Variants in FRMD4A observed in about 807,000 individuals in gnomAD.
The protein encoded by FRMD4A is FERM domain-containing protein 4A.
FRMD4A carries 29 observed loss-of-function variants against 129.1 expected under a neutral mutation model. The ratio of observed to expected loss-of-function variants is 0.22; its 90% confidence interval spans 0.17 to 0.31. The LOEUF is 0.31. Ranked by LOEUF, FRMD4A falls within the 10% of genes least tolerant of loss-of-function variation. The pLI is 1.00. For synonymous variants in FRMD4A, 634 were observed against 571.6 expected (o/e 1.11, Z -1.56); for missense variants, 1,272 against 1,375.8 (o/e 0.92, Z 1.19).
chr10:13,855,294 T>C (rs2094197673), intron 3 of FRMD4A, among the ~76,000 whole-genome samples: 1 of 152,176 alleles, frequency 6.6e-6, no homozygotes, highest in East Asian at 1.9e-4. Context: ...TCGGTTTGGA[T>C]GCCGTCAGCT....
chr10:14,129,017 C>G (rs757215127), intron 2 of FRMD4A, among the ~76,000 whole-genome samples: 62 of 152,076 alleles, frequency 4.1e-4, no homozygotes, highest in Non-Finnish European at 8.7e-4. Context: ...AATAAGCTTC[C>G]CTTGCAAGCT....
intron 2 of FRMD4A, among the ~76,000 whole-genome samples, chr10:14,105,778 C>A (rs1203884359): frequency 6.6e-6 from 1 of 152,112 alleles, no homozygotes; most frequent in African/African-American, 2.4e-5. Flanking sequence ...TCTTGCAAAT[C>A]TTTTTGAACA....
At chr10:13,956,310 A>G (rs1387504684) in intron 2 of FRMD4A, among the ~76,000 whole-genome samples, 2 of 152,020 alleles carry the variant, frequency 1.3e-5, no homozygotes, top group African/African-American at 4.8e-5. Context: ...GAGCCACCAC[A>G]CCCGGCTAAT....
At chr10:13,778,625 G>GTA (rs1370454847) in intron 6 of FRMD4A, among the ~76,000 whole-genome samples, 1 of 141,832 alleles carries the variant, frequency 7.1e-6, no homozygotes, top group Non-Finnish European at 1.6e-5. Flanking sequence ...GTGTGTGTTT[G>GTA]TGTGTGTGTT....
chr10:13,668,691 G>C (rs1253228189), intron 17 of FRMD4A, among the ~76,000 whole-genome samples: 1 of 152,158 alleles, frequency 6.6e-6, no homozygotes, highest in East Asian at 1.9e-4. Context: ...GTGGGACTCT[G>C]GGAAGACCAA....
intron 2 of FRMD4A, among the ~76,000 whole-genome samples, chr10:14,065,202 G>A (rs11812453): frequency 0.043 from 6,558 of 151,996 alleles, 280 homozygotes; most frequent in African/African-American, 0.11. Context: ...TTTTTTGAGA[G>A]ATGGAGGATC....
chr10:13,985,688 A>G (rs1216924238), intron 2 of FRMD4A, among the ~76,000 whole-genome samples: 1 of 152,228 alleles, frequency 6.6e-6, no homozygotes, highest in African/African-American at 2.4e-5. Context: ...GTCCAGGCTG[A>G]GGGCATAAGC....
intron 2 of FRMD4A, among the ~76,000 whole-genome samples, chr10:13,873,773 C>A (rs2094463006): frequency 6.6e-6 from 1 of 151,828 alleles, no homozygotes; most frequent in South Asian, 2.1e-4. Context: ...TCTCCAACTC[C>A]TGACCTCTGG....
chr10:13,705,971 G>C, intron 13 of FRMD4A, among the ~76,000 whole-genome samples: 1 of 152,170 alleles, frequency 6.6e-6, no homozygotes, highest in East Asian at 1.9e-4. Context: ...TGCAGGAACA[G>C]GGGCTACTGC....
chr10:13,814,611 A>AAG (rs2093507743), intron 3 of FRMD4A, among the ~76,000 whole-genome samples: 2 of 146,676 alleles, frequency 1.4e-5, no homozygotes, highest in East Asian at 3.9e-4. Flanking sequence ...AAAAAAAGAA[A>AAG]GAAAGGGAAA....
intron 2 of FRMD4A, among the ~76,000 whole-genome samples, chr10:14,274,724 C>A (rs1845280508): frequency 6.6e-6 from 1 of 152,178 alleles, no homozygotes. Flanking sequence ...GAAACATGAT[C>A]ATTAATGTAT....
intron 6 of FRMD4A, among the ~76,000 whole-genome samples, chr10:13,776,427 A>G (rs1200817059): frequency 6.6e-6 from 1 of 152,180 alleles, no homozygotes; most frequent in African/African-American, 2.4e-5. Context: ...ATCCATTTTT[A>G]ACAGGAATTC....
chr10:13,684,606 G>A, intron 15 of FRMD4A: 5 of 985,384 alleles, frequency 5.1e-6, no homozygotes, highest in Non-Finnish European at 6.0e-6. Flanking sequence ...TGCTCCAATT[G>A]TTCAGAAGAC....
chr10:14,089,778 G>T (rs1564280691), intron 2 of FRMD4A, among the ~76,000 whole-genome samples: 1 of 152,218 alleles, frequency 6.6e-6, no homozygotes, highest in South Asian at 2.1e-4. Flanking sequence ...AGATGGGACT[G>T]GTCCAGCTTT....
intron 2 of FRMD4A, among the ~76,000 whole-genome samples, chr10:14,002,726 G>A (rs1411710309): frequency 2.0e-5 from 3 of 152,126 alleles, no homozygotes; most frequent in Non-Finnish European, 4.4e-5. Context: ...AGAGTACTAC[G>A]GGAGCCAGCA....
At chr10:14,158,937 A>C (rs1386593478) in intron 2 of FRMD4A, among the ~76,000 whole-genome samples, 1 of 152,150 alleles carries the variant, frequency 6.6e-6, no homozygotes, top group African/African-American at 2.4e-5. Flanking sequence ...AATACATGAT[A>C]TCTTGAAGAA....
intron 3 of FRMD4A, among the ~76,000 whole-genome samples, chr10:13,827,354 C>G (rs577108518): frequency 4.5e-4 from 69 of 152,294 alleles, no homozygotes; most frequent in African/African-American, 1.2e-3. Context: ...CGATCTGCGC[C>G]GTTCCCACAG....
At chr10:14,317,756 G>GGAA (rs573727684) in intron 2 of FRMD4A, among the ~76,000 whole-genome samples, 4 of 123,370 alleles carry the variant, frequency 3.2e-5, no homozygotes, top group Admixed American at 8.6e-5. Context: ...ACAAGAGACG[G>GGAA]AAAAAAAAAA....
chr10:14,010,618 G>T (rs1451324289), intron 2 of FRMD4A, among the ~76,000 whole-genome samples: 3 of 147,432 alleles, frequency 2.0e-5, no homozygotes, highest in African/African-American at 7.4e-5. Context: ...GTCTTGCCAT[G>T]GGTGTCGGAG....
Sources: gnomAD v4.1 joint callset for allele counts (sites outside exome capture counted in the v4.1 genomes callset) on GRCh38, gnomAD v4.1.1 for gene constraint, MANE v1.5 for transcripts, NCBI Gene and HGNC (gene_info 2026-07-23, HGNC 2026-07-21) for gene names.